The following GLCCI1 variants were observed in gnomAD, a reference collection of about 807,000 sequenced individuals.
GLCCI1 encodes glucocorticoid induced 1.
In GLCCI1, 24 loss-of-function variants were observed where a neutral mutation model predicts 52.2. The ratio of observed to expected loss-of-function variants is 0.46; its 90% CI spans 0.33 to 0.65. The LOEUF is 0.65. GLCCI1 is among the 30% of genes least tolerant of loss of function. The pLI, the probability that GLCCI1 is intolerant of heterozygous loss-of-function variation, is 0.02. For synonymous variants in GLCCI1, 310 were observed against 276.5 expected (o/e 1.12, Z -1.20); for missense variants, 704 against 701.5 (o/e 1.00, Z -0.04).
intron 3 of GLCCI1, among the ~76,000 whole-genome samples, chr7:8,045,069 C>G (rs756211516): frequency 1.3e-5 from 2 of 152,094 alleles, no homozygotes; most frequent in Non-Finnish European, 2.9e-5. Context: ...AAAAACATCA[C>G]CAGACTTCTA....
chr7:8,043,290 G>T (rs1247160951), intron 3 of GLCCI1, among the ~76,000 whole-genome samples: 1 of 150,650 alleles, frequency 6.6e-6, no homozygotes, highest in Non-Finnish European at 1.5e-5. Flanking sequence ...AATCAAACCT[G>T]CAATATCTTA....
Position 8,087,652 on chromosome 7 carries a change from T to C in GLCCI1, c.*1114T>C, listed in dbSNP as rs1214257149. 1 of 152,628 alleles carries C rather than the reference T, an allele frequency of 6.6e-6. No homozygotes were observed. The highest frequency in any genetic ancestry group is 2.4e-5 in the African/African-American group (1 of 41,456). The allele number at this position is 152,628 out of a possible 1,614,324, so 9.5% of individuals were successfully genotyped here. A position where few individuals can be genotyped will look rare whatever the true frequency, so the allele number is the denominator to read the frequency against. On this transcript the variant is annotated 3_prime_UTR_variant, in exon 8 of 8. Coordinates refer to ENST00000223145, the MANE Select transcript of GLCCI1 (RefSeq NM_138426.4). Reference sequence around the variant, plus strand: ...GGTGAAAAAGTGACATACTTTTTGTTATTGTCTTCCTCAAGCAGTTTAGGT... The same window carrying C: ...GGTGAAAAAGTGACATACTTTTTGTCATTGTCTTCCTCAAGCAGTTTAGGT...
intron 1 of GLCCI1, among the ~76,000 whole-genome samples, chr7:7,994,919 T>C (rs1373107543): frequency 1.3e-5 from 2 of 152,196 alleles, no homozygotes; most frequent in African/African-American, 2.4e-5. Flanking sequence ...GTCCAGGTAA[T>C]GGTTTCACTT....
chr7:8,081,472 A>G, intron 6 of GLCCI1, among the ~76,000 whole-genome samples: 1 of 152,174 alleles, frequency 6.6e-6, no homozygotes, highest in Non-Finnish European at 1.5e-5. Flanking sequence ...AAATGAATCA[A>G]CCTTTATATA....
rs1783117387 is a variant in GLCCI1 at position 8,086,871 on chromosome 7, A to G, written c.*333A>G. On this transcript the variant is annotated 3_prime_UTR_variant, in exon 8 of 8. Transcript: ENST00000223145. This position sits in a 1 kb window ranked among gnomAD's most constrained non-coding sequence, Gnocchi z 4.4. ...CTCTATATCAAAAAGTTGCCTGTCTAAATAGAAAATGTCTTGCTGTGTTTT... is the reference window on the plus strand; with the variant it reads ...CTCTATATCAAAAAGTTGCCTGTCTGAATAGAAAATGTCTTGCTGTGTTTT... 1 of 201,640 alleles carries G rather than the reference A, an allele frequency of 5.0e-6. No homozygotes were observed. Among genetic ancestry groups the G allele is most frequent in the African/African-American group, 2.3e-5 (1 of 43,072 alleles). The allele number at this position is 201,640 out of a possible 1,614,324, so 12.5% of individuals were successfully genotyped here. A position where few individuals can be genotyped will look rare whatever the true frequency, so the allele number is the denominator to read the frequency against.
chr7:8,048,610 T>C (rs550485941), intron 3 of GLCCI1, among the ~76,000 whole-genome samples: 1 of 152,312 alleles, frequency 6.6e-6, no homozygotes, highest in South Asian at 2.1e-4. Flanking sequence ...TCATTTGAGG[T>C]AAAGCAGGAA....
At chr7:8,082,823 T>G (rs893202351) in intron 6 of GLCCI1, among the ~76,000 whole-genome samples, 2 of 152,214 alleles carry the variant, frequency 1.3e-5, no homozygotes, top group Non-Finnish European at 2.9e-5. Flanking sequence ...GCAGATAGAT[T>G]AGCCAACTCA....
intron 1 of GLCCI1, among the ~76,000 whole-genome samples, chr7:7,986,245 G>A (rs1273038937): frequency 6.6e-6 from 1 of 152,054 alleles, no homozygotes; most frequent in Non-Finnish European, 1.5e-5. Flanking sequence ...AGGCACAGTG[G>A]CTCCTGCCTG....
intron 2 of GLCCI1, among the ~76,000 whole-genome samples, chr7:8,008,228 T>A (rs148595633): frequency 4.6e-5 from 7 of 152,208 alleles, no homozygotes; most frequent in African/African-American, 1.4e-4. Flanking sequence ...TCCCAAGGAC[T>A]CCTAGCCTCT....
chr7:8,033,482 A>G (rs1481084091), intron 3 of GLCCI1, among the ~76,000 whole-genome samples: 1 of 152,164 alleles, frequency 6.6e-6, no homozygotes, highest in South Asian at 2.1e-4. Context: ...CACCGAAGAC[A>G]TAATCCTATA....
chr7:7,984,390 A>G (rs1243173517), intron 1 of GLCCI1, among the ~76,000 whole-genome samples: 1 of 152,186 alleles, frequency 6.6e-6, no homozygotes, highest in Non-Finnish European at 1.5e-5. Flanking sequence ...TAAACCATCC[A>G]TGCCCAAAAT....
chr7:8,033,406 G>A (rs1781800029), intron 3 of GLCCI1, among the ~76,000 whole-genome samples: 2 of 152,098 alleles, frequency 1.3e-5, no homozygotes, highest in African/African-American at 4.8e-5. Context: ...ATTCTAGCCA[G>A]TGCAGTCAGG....
intron 6 of GLCCI1, among the ~76,000 whole-genome samples, chr7:8,074,398 G>A (rs957864694): frequency 2.0e-5 from 3 of 152,082 alleles, no homozygotes; most frequent in African/African-American, 7.2e-5. Context: ...TCTGGGTTTT[G>A]CTATTTTTAA....
chr7:8,036,705 T>A lies in GLCCI1; in HGVS notation c.696+14136T>A, dbSNP rs981799746. ...AACAGTTTATTAGGAGATACTTTTT[T>A]AAATCCACCAGAACTTTTAGAAATG... On this transcript the variant is annotated intron_variant, in intron 3 of 7. Transcript: ENST00000223145. Among the ~76,000 whole-genome samples, 3 of 152,322 alleles carry A rather than the reference T, an allele frequency of 2.0e-5. No individual in the cohort carries two copies. The East Asian group carries it at 5.8e-4, about 29-fold the overall frequency.
At chr7:7,979,033 C>A (rs1011008067) in intron 1 of GLCCI1, among the ~76,000 whole-genome samples, 18 of 152,148 alleles carry the variant, frequency 1.2e-4, no homozygotes, top group African/African-American at 4.1e-4. Flanking sequence ...AAGAATCAAT[C>A]AACAGTCCTC....
At chr7:8,044,485 C>T (rs1782076984) in intron 3 of GLCCI1, among the ~76,000 whole-genome samples, 1 of 151,938 alleles carries the variant, frequency 6.6e-6, no homozygotes, top group East Asian at 1.9e-4. Context: ...CCTTCTACCT[C>T]TCAGTGTGCT....
chr7:7,991,436 G>C (rs1780837024), intron 1 of GLCCI1, among the ~76,000 whole-genome samples: 1 of 151,972 alleles, frequency 6.6e-6, no homozygotes, highest in South Asian at 2.1e-4. Context: ...TTACTTTTCA[G>C]AATTAGAGGA....
intron 3 of GLCCI1, among the ~76,000 whole-genome samples, chr7:8,048,427 T>TG (rs150140786): frequency 0.034 from 5,123 of 151,746 alleles, 274 homozygotes; most frequent in African/African-American, 0.11. Context: ...TTTGGGGAGG[T>TG]GGGGGGGTCT....
intron 3 of GLCCI1, among the ~76,000 whole-genome samples, chr7:8,040,621 A>T (rs938353940): frequency 3.9e-5 from 6 of 151,966 alleles, no homozygotes; most frequent in Non-Finnish European, 7.4e-5. Context: ...GAGGACCTGG[A>T]ACTCTCAGAC....
Sources: allele counts gnomAD v4.1 joint callset (sites outside exome capture counted in the v4.1 genomes callset), GRCh38; gene constraint gnomAD v4.1.1; non-coding constraint Gnocchi (gnomAD v3.1); transcripts MANE v1.5; gene names NCBI Gene and HGNC (gene_info 2026-07-23, HGNC 2026-07-21).